Variants in PTK2 observed in about 807,000 individuals in gnomAD.
The protein encoded by PTK2 is focal adhesion kinase 1.
A neutral mutation model predicts 150.1 loss-of-function variants in PTK2; 45 were observed. The observed-to-expected ratio is 0.30, with a 90% CI of 0.24 to 0.38. The LOEUF (loss-of-function observed/expected upper bound fraction) is 0.38. PTK2 is among the 10% of genes least tolerant of loss of function. The pLI is 1.00. For synonymous variants in PTK2, 432 were observed against 449.2 expected, an observed-to-expected ratio of 0.96 and a Z score of 0.48; for missense variants, 919 against 1,307.3, an observed-to-expected ratio of 0.70 and a Z score of 4.58.
Position 140,813,663 on chromosome 8 carries a change from T to C in PTK2, c.867+4614A>G, listed in dbSNP as rs543810909. ...GGTAAGGCAGTGTTAACAGGTAAATTTGTAGCACTAAATGCCCACATCGAA... is the reference window on the plus strand; with the variant it reads ...GGTAAGGCAGTGTTAACAGGTAAATCTGTAGCACTAAATGCCCACATCGAA... On this transcript the variant is annotated intron_variant, in intron 10 of 31. Transcript: ENST00000522684. Among the ~76,000 whole-genome samples, 127 of 152,340 alleles carry C rather than the reference T, an allele frequency of 8.3e-4. 1 individual carries two copies. In the Middle Eastern group the frequency reaches 0.02, roughly 24 times the overall value.
chr8:140,693,426 A>G (rs1380256642), intron 26 of PTK2, among the ~76,000 whole-genome samples: 2 of 151,942 alleles, frequency 1.3e-5, no homozygotes, highest in Non-Finnish European at 2.9e-5. Context: ...GCTTGGTAGC[A>G]TATGCCCGTA....
At chr8:140,741,613 C>A (rs4961290) in intron 20 of PTK2, among the ~76,000 whole-genome samples, 88,346 of 151,886 alleles carry the variant, frequency 0.58, 27,300 homozygotes, top group African/African-American at 0.79. Context: ...ATTTTGTTGC[C>A]ATATAAAAAT....
At chr8:140,819,551 C>T (rs1002850510) in intron 8 of PTK2, among the ~76,000 whole-genome samples, 3 of 152,214 alleles carry the variant, frequency 2.0e-5, no homozygotes, top group Non-Finnish European at 2.9e-5. Flanking sequence ...AGCCTGGTTA[C>T]GTAAACTATG....
chr8:140,974,227 G>A (rs1770701460), intron 1 of PTK2, among the ~76,000 whole-genome samples: 1 of 152,194 alleles, frequency 6.6e-6, no homozygotes, highest in South Asian at 2.1e-4. Context: ...TCAACTAAGG[G>A]CTCATCATGA....
Position 140,818,871 on chromosome 8 carries a change from C to T in PTK2, c.789+9G>A. On this transcript the variant is annotated intron_variant, in intron 9 of 31. Coordinates refer to ENST00000522684, the Ensembl canonical transcript of PTK2. Reference sequence around the variant, plus strand: ...ACTAGCCCACTATTTCCCATATTCCCATACTTACACCAAGAGCACACTTGA... The same window carrying T: ...ACTAGCCCACTATTTCCCATATTCCTATACTTACACCAAGAGCACACTTGA... The T allele has an allele frequency of 6.2e-7, 1 of 1,611,926 alleles. No homozygotes were observed. Among genetic ancestry groups the T allele is most frequent in the South Asian group, 1.1e-5 (1 of 90,584 alleles).
intron 29 of PTK2, 43 bp from the exon 34 acceptor site, chr8:140,668,467 T>G (rs762212132): frequency 6.4e-7 from 1 of 1,567,244 alleles, no homozygotes; most frequent in Non-Finnish European, 8.6e-7. Flanking sequence ...CTCCAGCAGA[T>G]GGCGTGAGAT....
At chr8:140,719,356 G>C (rs2100041498) in intron 22 of PTK2, among the ~76,000 whole-genome samples, 1 of 152,172 alleles carries the variant, frequency 6.6e-6, no homozygotes, top group African/African-American at 2.4e-5. Flanking sequence ...TGACAGACAG[G>C]CAAGATGCTC....
chr8:140,866,760 C>T (rs1191869638), intron 4 of PTK2, among the ~76,000 whole-genome samples: 1 of 152,200 alleles, frequency 6.6e-6, no homozygotes, highest in Non-Finnish European at 1.5e-5. Context: ...AAAGTGCTAA[C>T]TCCCAAAAAG....
rs2100040677 is a variant in PTK2 at position 140,717,859 on chromosome 8, T to C, written c.2031-150A>G. The C allele has an allele frequency of 1.2e-5, 7 of 581,502 alleles. No homozygotes were observed. The East Asian group carries it at 2.0e-4, about 17-fold the overall frequency. The allele number at this position is 581,502 out of a possible 1,614,324, so 36.0% of individuals were successfully genotyped here. A position where few individuals can be genotyped will look rare whatever the true frequency, so the allele number is the denominator to read the frequency against. On this transcript the variant is annotated intron_variant, in intron 22 of 31. Transcript: ENST00000522684. ...ATACACAGGGGAAAGAAGGATCAGG[T>C]TTCTAACTCTCCACGAAATGATTCT...
intron 26 of PTK2, among the ~76,000 whole-genome samples, chr8:140,688,798 T>A (rs562546553): frequency 6.6e-6 from 1 of 152,214 alleles, no homozygotes; most frequent in East Asian, 1.9e-4. Context: ...ACTTAAAACA[T>A]TGTACTGTGT....
chr8:140,963,512 TAC>T (rs1195623806), intron 1 of PTK2, among the ~76,000 whole-genome samples: 5 of 152,146 alleles, frequency 3.3e-5, no homozygotes, highest in African/African-American at 9.7e-5. Context: ...TAATTCAAGT[TAC>T]AGTGTTGCAA....
chr8:140,919,233 C>G (rs1310819883), intron 2 of PTK2, among the ~76,000 whole-genome samples: 1 of 152,206 alleles, frequency 6.6e-6, no homozygotes, highest in South Asian at 2.1e-4. Flanking sequence ...ATCTTTTATA[C>G]GTGTGAGCTC....
intron 1 of PTK2, among the ~76,000 whole-genome samples, chr8:140,969,341 G>A (rs1193796975): frequency 6.6e-6 from 1 of 152,122 alleles, no homozygotes; most frequent in Non-Finnish European, 1.5e-5. Context: ...ATCTCACAAA[G>A]ACTTTAAAAC....
intron 22 of PTK2, among the ~76,000 whole-genome samples, chr8:140,720,091 C>T (rs1196395531): frequency 1.3e-5 from 2 of 152,088 alleles, no homozygotes; most frequent in Non-Finnish European, 2.9e-5. Context: ...AGCATCTCAG[C>T]AGGTCACAGT....
At chr8:140,929,237 T>C (rs1483096616) in intron 1 of PTK2, among the ~76,000 whole-genome samples, 2 of 152,044 alleles carry the variant, frequency 1.3e-5, no homozygotes, top group Non-Finnish European at 2.9e-5. Flanking sequence ...AGTGCTGGGA[T>C]TACAGGCGTG....
intron 14 of PTK2, among the ~76,000 whole-genome samples, chr8:140,766,726 T>A (rs1417891582): frequency 1.3e-5 from 2 of 152,196 alleles, no homozygotes; most frequent in African/African-American, 2.4e-5. Flanking sequence ...AAGGATTTAA[T>A]CTGTGTGAGG....
At chr8:140,673,105 CTTTT>C (rs540402579) in intron 29 of PTK2, among the ~76,000 whole-genome samples, 1 of 144,554 alleles carries the variant, frequency 6.9e-6, no homozygotes, top group African/African-American at 2.5e-5. Flanking sequence ...AAGATGCATC[CTTTT>C]TTTTTTTTTT....
intron 22 of PTK2, among the ~76,000 whole-genome samples, chr8:140,734,092 C>T (rs1307236483): frequency 1.3e-5 from 2 of 152,174 alleles, no homozygotes; most frequent in East Asian, 3.8e-4. Flanking sequence ...TAAAAGGAAT[C>T]CTGTCTAGCA....
chr8:140,980,057 C>T (rs775752397), intron 1 of PTK2, among the ~76,000 whole-genome samples: 1 of 152,098 alleles, frequency 6.6e-6, no homozygotes, highest in Non-Finnish European at 1.5e-5. Flanking sequence ...ACTGGCCAGC[C>T]CTATAACTCA....
Sources: allele counts gnomAD v4.1 joint callset (sites outside exome capture counted in the v4.1 genomes callset), GRCh38; gene constraint gnomAD v4.1.1; transcripts MANE v1.5; gene names NCBI Gene and HGNC (gene_info 2026-07-23, HGNC 2026-07-21).